LRBA: variants seen among roughly 807,000 people sequenced by gnomAD.
LRBA encodes LPS responsive beige-like anchor protein.
A neutral mutation model predicts 330.0 loss-of-function variants in LRBA; 176 were observed. The observed-to-expected ratio is 0.53, with a 90% confidence interval of 0.47 to 0.60. LRBA has a LOEUF of 0.60. LRBA is among the 20% of genes least tolerant of loss of function. The probability of loss-of-function intolerance (pLI) is 0.00; values close to 1 mark genes in which losing one functional copy is unlikely to be tolerated. For missense variants in LRBA, 3,259 were observed against 3,444.8 expected (o/e 0.95, Z 1.35); for synonymous variants, 1,230 against 1,193.0 (o/e 1.03, Z -0.64).
intron 2 of LRBA, among the ~76,000 whole-genome samples, chr4:151,001,101 A>G (rs905702449): frequency 6.6e-6 from 1 of 152,190 alleles, no homozygotes; most frequent in African/African-American, 2.4e-5. Context: ...TAATCCCCCT[A>G]AGTCCTAAGC....
chr4:150,295,104 T>C (rs1488864886), intron 53 of LRBA, among the ~76,000 whole-genome samples: 2 of 151,620 alleles, frequency 1.3e-5, no homozygotes, highest in East Asian at 1.9e-4. Context: ...TAAATTCTGA[T>C]ACAACTACTA....
chr4:150,780,276 A>G (rs965909108), intron 34 of LRBA, among the ~76,000 whole-genome samples: 5 of 152,184 alleles, frequency 3.3e-5, no homozygotes, highest in Admixed American at 2.0e-4. Context: ...ATAACACAGC[A>G]TTCATTTTAG....
At chr4:150,446,750 T>C (rs941597468) in intron 44 of LRBA, among the ~76,000 whole-genome samples, 6 of 152,178 alleles carry the variant, frequency 3.9e-5, no homozygotes, top group African/African-American at 7.2e-5. Flanking sequence ...CTTTGCTCCA[T>C]TGCTGGCGAA....
intron 44 of LRBA, among the ~76,000 whole-genome samples, chr4:150,443,853 A>AT (rs771939318): frequency 6.0e-4 from 45 of 75,464 alleles, no homozygotes; most frequent in South Asian, 2.4e-3. Flanking sequence ...TAATTAAAAA[A>AT]ATATATATAT....
At chr4:150,776,497 T>C (rs907137671) in intron 34 of LRBA, among the ~76,000 whole-genome samples, 1 of 152,174 alleles carries the variant, frequency 6.6e-6, no homozygotes, top group African/African-American at 2.4e-5. Flanking sequence ...CTTTATTTGA[T>C]GAAAAATAAA....
At chr4:150,771,411 G>C (rs1736547925) in intron 34 of LRBA, among the ~76,000 whole-genome samples, 1 of 152,186 alleles carries the variant, frequency 6.6e-6, no homozygotes, top group South Asian at 2.1e-4. Context: ...CAAGGCCAGT[G>C]AATTCCATGA....
intron 40 of LRBA, among the ~76,000 whole-genome samples, chr4:150,497,855 G>C (rs1042847981): frequency 1.3e-5 from 2 of 151,990 alleles, no homozygotes; most frequent in African/African-American, 4.8e-5. Flanking sequence ...AGCAAATGAT[G>C]TATCAGCTCA....
chr4:150,418,630 TA>T (rs991173974), intron 46 of LRBA, among the ~76,000 whole-genome samples: 6 of 152,204 alleles, frequency 3.9e-5, no homozygotes, highest in African/African-American at 1.4e-4. Context: ...CAGTAAAAAT[TA>T]AAAATTAGCT....
intron 40 of LRBA, among the ~76,000 whole-genome samples, chr4:150,525,775 G>C (rs1763398339): frequency 6.6e-6 from 1 of 151,968 alleles, no homozygotes; most frequent in Non-Finnish European, 1.5e-5. Context: ...ATTTCCATCT[G>C]AATGAAATTA....
At chr4:150,500,464 C>T (rs1471342888) in intron 40 of LRBA, among the ~76,000 whole-genome samples, 1 of 151,976 alleles carries the variant, frequency 6.6e-6, no homozygotes, top group African/African-American at 2.4e-5. Context: ...GTAATCCCAG[C>T]TTACTCAGGA....
chr4:150,435,073 G>A (rs1205808571), intron 46 of LRBA, among the ~76,000 whole-genome samples: 4 of 151,954 alleles, frequency 2.6e-5, no homozygotes, highest in East Asian at 3.9e-4. Context: ...GGCCGGGCGC[G>A]GTGGCTCACA....
At chr4:150,557,893 T>C (rs866662233) in intron 40 of LRBA, among the ~76,000 whole-genome samples, 17 of 152,210 alleles carry the variant, frequency 1.1e-4, no homozygotes, top group African/African-American at 1.9e-4. Flanking sequence ...TTCCATACTG[T>C]ACCCTTTGTT....
intron 31 of LRBA, among the ~76,000 whole-genome samples, chr4:150,815,081 A>T (rs1334590753): frequency 6.6e-6 from 1 of 152,038 alleles, no homozygotes; most frequent in Non-Finnish European, 1.5e-5. Context: ...ACTAGAGGGC[A>T]GTATAAGAAA....
At chr4:150,595,922 T>C (rs1773439190) in intron 38 of LRBA, among the ~76,000 whole-genome samples, 1 of 151,958 alleles carries the variant, frequency 6.6e-6, no homozygotes. Flanking sequence ...CAATTTCTAA[T>C]AAATTTTAAA....
intron 36 of LRBA, among the ~76,000 whole-genome samples, chr4:150,684,192 T>A (rs1406146853): frequency 6.6e-6 from 1 of 152,228 alleles, no homozygotes; most frequent in African/African-American, 2.4e-5. Flanking sequence ...TAAATTTACA[T>A]ATTAAAATGA....
chr4:150,318,010 G>A (rs1326562119), intron 50 of LRBA, among the ~76,000 whole-genome samples: 1 of 152,198 alleles, frequency 6.6e-6, no homozygotes, highest in Admixed American at 6.6e-5. Context: ...GAAGAGGCAT[G>A]AAAGTTTATC....
chr4:150,522,492 A>C (rs765593557), intron 40 of LRBA, among the ~76,000 whole-genome samples: 13 of 152,202 alleles, frequency 8.5e-5, no homozygotes, highest in Non-Finnish European at 1.5e-4. Context: ...GAGATCTTTG[A>C]GTCTGCCACA....
chr4:150,758,485 T>C (rs1254968138), intron 35 of LRBA, among the ~76,000 whole-genome samples: 1 of 152,110 alleles, frequency 6.6e-6, no homozygotes, highest in Non-Finnish European at 1.5e-5. Context: ...TACCACTTCT[T>C]ACCTCCTCTA....
intron 37 of LRBA, among the ~76,000 whole-genome samples, chr4:150,641,916 A>C (rs1366624181): frequency 6.6e-6 from 1 of 152,046 alleles, no homozygotes; most frequent in Non-Finnish European, 1.5e-5. Flanking sequence ...AAAGGTTAAT[A>C]CCAATGTTTA....
Sources: gnomAD v4.1 joint callset for allele counts (sites outside exome capture counted in the v4.1 genomes callset) on GRCh38, gnomAD v4.1.1 for gene constraint, MANE v1.5 for transcripts, NCBI Gene and HGNC (gene_info 2026-07-23, HGNC 2026-07-21) for gene names.